Variants in PCSK5 observed in about 807,000 individuals in gnomAD.
The protein encoded by PCSK5 is prohormone convertase 5.
PCSK5 carries 129 observed loss-of-function variants against 233.2 expected under a neutral mutation model. The ratio of observed to expected loss-of-function variants is 0.55; its 90% confidence interval spans 0.48 to 0.64. The LOEUF (loss-of-function observed/expected upper bound fraction) is 0.64. Among genes scored for constraint, PCSK5 ranks in the 30% least tolerant of loss-of-function variants. PCSK5 has a pLI of 0.00. For synonymous variants in PCSK5, 825 were observed against 879.2 expected, an observed-to-expected ratio of 0.94 and a Z score of 1.09; for missense variants, 2,076 against 2,430.1, an observed-to-expected ratio of 0.85 and a Z score of 3.06.
At chr9:76,152,253 G>A (rs1196668744) in intron 10 of PCSK5, among the ~76,000 whole-genome samples, 1 of 152,124 alleles carries the variant, frequency 6.6e-6, no homozygotes, top group East Asian at 1.9e-4. Context: ...AATTCCCAGG[G>A]CACAAGCATT....
rs147357191 is a variant in PCSK5 at position 76,098,885 on chromosome 9, G to A, written c.1107+2783G>A. ...CATTGTTTGCTGTGATTGTGTGGTT[G>A]CCGCTGTGACTCCCATGGCAGGGGT... is the stretch of plus-strand genomic sequence containing the variant. On this transcript the variant is annotated intron_variant, in intron 8 of 37. Coordinates refer to ENST00000674117, the MANE Select transcript of PCSK5 (RefSeq NM_001372043.1). 5.0e-3 allele frequency among the ~76,000 whole-genome samples: 764 copies of A among 152,228 alleles called. 8 individuals carry two copies. Among genetic ancestry groups the A allele is most frequent in the African/African-American group, 0.016 (669 of 41,532 alleles).
intron 20 of PCSK5, among the ~76,000 whole-genome samples, chr9:76,199,962 C>G (rs886277591): frequency 3.3e-5 from 5 of 152,088 alleles, no homozygotes; most frequent in African/African-American, 4.8e-5. Flanking sequence ...AAATGGCATT[C>G]ACTGTATTTC....
At chr9:76,237,500 G>T (rs527904487) in intron 22 of PCSK5, among the ~76,000 whole-genome samples, 19 of 151,976 alleles carry the variant, frequency 1.3e-4, no homozygotes, top group Non-Finnish European at 2.6e-4. Context: ...AGGCACAGTG[G>T]CTCACGCCTG....
At chr9:75,930,410 A>T (rs990566601) in intron 1 of PCSK5, among the ~76,000 whole-genome samples, 15 of 152,328 alleles carry the variant, frequency 9.8e-5, no homozygotes, top group African/African-American at 3.6e-4. Context: ...AGGTCGGAGG[A>T]GGAGAATGGT....
chr9:76,054,278 T>A (rs1024643726), intron 5 of PCSK5, among the ~76,000 whole-genome samples: 1 of 152,238 alleles, frequency 6.6e-6, no homozygotes, highest in Non-Finnish European at 1.5e-5. Context: ...GTTTTTACTG[T>A]ACTTCATCAT....
rs1286020691 is a variant in PCSK5 at position 76,282,145 on chromosome 9, T to TTTTTTTTTTTTC, written c.3143-10086_3143-10085insTTTTTTTTTCTT. On this transcript the variant is annotated intron_variant, in intron 24 of 37. Transcript: ENST00000674117. ...CTTTTTTTTTTTTTTTTTTTTTTTTTTTCGCTCTGTTGCCCAGGCTGGAGC... is the reference window on the plus strand; with the variant it reads ...CTTTTTTTTTTTTTTTTTTTTTTTTTTTTTTTTTTTTCTTCGCTCTGTTGCCCAGGCTGGAGC... Among the ~76,000 whole-genome samples, 142 of 98,990 alleles carry TTTTTTTTTTTTC rather than the reference T, an allele frequency of 1.4e-3. 42 individuals carry two copies. Among genetic ancestry groups the TTTTTTTTTTTTC allele is most frequent in the Non-Finnish European group, 2.5e-3 (122 of 48,200 alleles). The allele number at this position is 98,990 out of a possible 152,430, so 64.9% of individuals were successfully genotyped here.
chr9:76,212,956 G>A (rs912076362), intron 20 of PCSK5, among the ~76,000 whole-genome samples: 16 of 152,198 alleles, frequency 1.1e-4, no homozygotes, highest in Non-Finnish European at 1.5e-5. Context: ...CTCCTGCAGA[G>A]CATTAAGGAT....
At chr9:76,141,832 C>G (rs60513235) in intron 10 of PCSK5, among the ~76,000 whole-genome samples, 1 of 152,038 alleles carries the variant, frequency 6.6e-6, no homozygotes, top group Non-Finnish European at 1.5e-5. Context: ...TTTGAGGGAA[C>G]GTGGATGGAG....
chr9:76,289,495 A>G lies in PCSK5; in HGVS notation c.3143-2738A>G, dbSNP rs1355774922. ...CACACACACACACACACACACACAC[A>G]CACACACACACACACGCAACATACA... On this transcript the variant is annotated intron_variant, in intron 24 of 37. Coordinates refer to ENST00000674117, the MANE Select transcript of PCSK5 (RefSeq NM_001372043.1). Among the ~76,000 whole-genome samples the G allele has an allele frequency of 9.3e-5, 12 of 128,964 alleles. 1 individual carries two copies. In the South Asian group the frequency reaches 2.8e-3, roughly 31 times the overall value. 84.6% of individuals were successfully genotyped at this position (128,964 alleles called of 152,430 possible).
At chr9:76,273,510 T>C (rs1034960006) in intron 24 of PCSK5, among the ~76,000 whole-genome samples, 4 of 150,216 alleles carry the variant, frequency 2.7e-5, no homozygotes, top group African/African-American at 2.4e-5. Context: ...TTTGCTTTCT[T>C]GGTTATTCTG....
rs978027258 is a variant in PCSK5 at position 76,085,581 on chromosome 9, C to T, written c.895-10309C>T. On this transcript the variant is annotated intron_variant, in intron 7 of 37. Transcript: ENST00000674117. ...TCACTATAGAGGCTTGTAAATAATGCGAGCCTGATAACAGCTGTAATTTTC... is the reference window on the plus strand; with the variant it reads ...TCACTATAGAGGCTTGTAAATAATGTGAGCCTGATAACAGCTGTAATTTTC... Among the ~76,000 whole-genome samples, 6 of 152,072 alleles carry T rather than the reference C, an allele frequency of 3.9e-5. No individual in the cohort carries two copies. The South Asian group carries it at 6.2e-4, about 16-fold the overall frequency.
At chr9:76,044,742 CT>C (rs919130818) in intron 5 of PCSK5, among the ~76,000 whole-genome samples, 12 of 152,116 alleles carry the variant, frequency 7.9e-5, no homozygotes, top group Non-Finnish European at 1.3e-4. Context: ...CCTGTTACTC[CT>C]TTGTGGGAAA....
intron 24 of PCSK5, among the ~76,000 whole-genome samples, chr9:76,289,823 G>T (rs546417000): frequency 1.3e-5 from 2 of 152,262 alleles, no homozygotes; most frequent in South Asian, 4.1e-4. Context: ...ATAAGGCACA[G>T]TTCCTGTTCT....
At chr9:75,957,406 C>A (rs571008303) in intron 2 of PCSK5, among the ~76,000 whole-genome samples, 2 of 152,036 alleles carry the variant, frequency 1.3e-5, no homozygotes, top group African/African-American at 2.4e-5. Flanking sequence ...AAACACCAGG[C>A]AGTGTTGTTA....
chr9:76,353,162 C>T (rs1466361145), intron 36 of PCSK5, among the ~76,000 whole-genome samples: 2 of 152,180 alleles, frequency 1.3e-5, no homozygotes, highest in African/African-American at 4.8e-5. Flanking sequence ...CCAAGGTGCT[C>T]AACAAAAGCA....
chr9:76,222,402 C>T (rs1825755491), intron 20 of PCSK5, among the ~76,000 whole-genome samples: 1 of 152,048 alleles, frequency 6.6e-6, no homozygotes, highest in South Asian at 2.1e-4. Flanking sequence ...AGTTCTGTGG[C>T]ATTAAATACA....
intron 2 of PCSK5, among the ~76,000 whole-genome samples, chr9:75,952,487 T>C (rs1208092818): frequency 1.3e-5 from 2 of 152,200 alleles, no homozygotes; most frequent in African/African-American, 4.8e-5. Context: ...TGGTAACATT[T>C]ATCCTGTTTA....
chr9:76,323,989 G>A (rs552032816), intron 32 of PCSK5, among the ~76,000 whole-genome samples: 55 of 149,212 alleles, frequency 3.7e-4, no homozygotes, highest in African/African-American at 1.2e-3. Context: ...GCGGTGGCAC[G>A]ATCTTGGCTT....
At position 76,358,531 on chromosome 9, in the gene PCSK5, C is replaced by T. The variant is rs762412390; in HGVS notation, c.5273C>T (p.Thr1758Ile). Residue 1758 changes from threonine to isoleucine, a missense_variant, in exon 38 of 38, where the codon ACA becomes ATA. Around this residue, in one of 6 missense-constraint regions of PCSK5, gnomAD observed 1,510 missense variants for 1,538.1 expected, o/e 0.98. Transcript: ENST00000674117. ...CCAACAGACGAATGCATCCTTCGAA[C>T]AAGCAAGGTTAGGCCTGCAACTGAG... ...QDTTDECILR[T>I]SKVRPATEHF... The T allele has an allele frequency of 6.2e-7, 1 of 1,610,188 alleles. No homozygotes were observed. The highest frequency in any genetic ancestry group is 8.5e-7 in the Non-Finnish European group (1 of 1,177,628).
Sources: allele counts gnomAD v4.1 joint callset (sites outside exome capture counted in the v4.1 genomes callset), GRCh38; gene constraint gnomAD v4.1.1; regional missense constraint gnomAD v4.1.1; transcripts MANE v1.5; gene names NCBI Gene and HGNC (gene_info 2026-07-23, HGNC 2026-07-21).